Variants in LSAMP observed in about 807,000 individuals in gnomAD.
The protein encoded by LSAMP is limbic system associated membrane protein.
A neutral mutation model predicts 38.6 loss-of-function variants in LSAMP; 7 were observed. The observed-to-expected ratio is 0.18, with a 90% CI of 0.10 to 0.34. LSAMP has a LOEUF of 0.34. LSAMP is among the 10% of genes least tolerant of loss of function. LSAMP has a pLI of 1.00. For synonymous variants in LSAMP, 154 were observed against 166.8 expected (o/e 0.92, Z 0.59); for missense variants, 313 against 420.0 (o/e 0.75, Z 2.23).
intron 1 of LSAMP, among the ~76,000 whole-genome samples, chr3:116,140,893 G>A (rs1470584137): frequency 6.6e-6 from 1 of 151,930 alleles, no homozygotes; most frequent in Non-Finnish European, 1.5e-5. Context: ...AAGAAGAATA[G>A]GAAGAAAAGA....
chr3:116,132,387 A>G (rs1454935711), intron 1 of LSAMP, among the ~76,000 whole-genome samples: 1 of 152,082 alleles, frequency 6.6e-6, no homozygotes, highest in Admixed American at 6.6e-5. Context: ...AGCAATGAGG[A>G]TTGGGATAAA....
At chr3:115,881,275 ACT>A (rs1251092083) in intron 3 of LSAMP, among the ~76,000 whole-genome samples, 1 of 152,068 alleles carries the variant, frequency 6.6e-6, no homozygotes, top group Non-Finnish European at 1.5e-5. Context: ...CAGCCTGGAC[ACT>A]CTTGAAAACC....
intron 1 of LSAMP, among the ~76,000 whole-genome samples, chr3:116,192,022 G>A (rs1404696234): frequency 6.6e-6 from 1 of 151,224 alleles, no homozygotes. Flanking sequence ...ATTACTGAGG[G>A]AAAAAAAAGA....
intron 3 of LSAMP, among the ~76,000 whole-genome samples, chr3:115,945,159 C>T (rs1003452100): frequency 2.0e-5 from 3 of 152,020 alleles, no homozygotes; most frequent in Admixed American, 6.6e-5. Flanking sequence ...TTTCGAATTA[C>T]GGCTCACATA....
chr3:116,301,820 A>G (rs1576493612), intron 1 of LSAMP, among the ~76,000 whole-genome samples: 1 of 152,214 alleles, frequency 6.6e-6, no homozygotes, highest in Admixed American at 6.5e-5. Context: ...AGCAAGCAAG[A>G]TATTTTCTTG....
At chr3:115,816,649 AAAAT>A (rs1934031964) in intron 6 of LSAMP, 1 of 1,284,850 alleles carries the variant, frequency 7.8e-7, no homozygotes, top group Non-Finnish European at 1.0e-6. Flanking sequence ...ACCAATTTCT[AAAAT>A]AAGAAACATT....
chr3:115,842,319 A>C, intron 5 of LSAMP, 139 bp downstream of exon 5: 2 of 1,195,214 alleles, frequency 1.7e-6, no homozygotes, highest in Non-Finnish European at 2.3e-6. Flanking sequence ...AGAATTTGAT[A>C]AGAGATACTA....
At chr3:116,093,768 T>A (rs1708171142) in intron 1 of LSAMP, among the ~76,000 whole-genome samples, 1 of 152,212 alleles carries the variant, frequency 6.6e-6, no homozygotes, top group Non-Finnish European at 1.5e-5. Context: ...CCCTCTTTTG[T>A]AAGATATGGA....
rs1014369805 is a variant in LSAMP, at chr3:115,803,574, C to T, written c.*6743G>A. 6.6e-6 allele frequency: 1 copy of T among 152,224 alleles called. No homozygotes were observed. The highest frequency in any genetic ancestry group is 2.1e-4 in the South Asian group (1 of 4,828). The allele number at this position is 152,224 out of a possible 1,614,324, so 9.4% of individuals were successfully genotyped here. A position where few individuals can be genotyped will look rare whatever the true frequency, so the allele number is the denominator to read the frequency against. On this transcript the variant is annotated 3_prime_UTR_variant, in exon 7 of 7. Transcript: ENST00000490035. ...ATTTTGGCCTTCACAACAATTCATACTGTCTTCAACTCTGTAACCTCCTAA... is the reference window on the plus strand; with the variant it reads ...ATTTTGGCCTTCACAACAATTCATATTGTCTTCAACTCTGTAACCTCCTAA...
rs533154488 is a variant in LSAMP at position 116,384,947 on chromosome 3, C to A, written c.155+59930G>T. Among the ~76,000 whole-genome samples the A allele has an allele frequency of 3.6e-3, 431 of 120,682 alleles. 5 individuals carry two copies. Among genetic ancestry groups the A allele is most frequent in the African/African-American group, 0.016 (405 of 24,876 alleles). 79.2% of individuals were successfully genotyped at this position (120,682 alleles called of 152,430 possible). A position where few individuals can be genotyped will look rare whatever the true frequency, so the allele number is the denominator to read the frequency against. On this transcript the variant is annotated intron_variant, in intron 1 of 6. Coordinates refer to ENST00000490035, the MANE Select transcript of LSAMP (RefSeq NM_002338.5). ...TGTCAAAACAACACCGACTAGAATA[C>A]GTGAAATGAATTATTGAGGTGCTGG...
At chr3:115,990,101 T>C (rs1316605273) in intron 3 of LSAMP, among the ~76,000 whole-genome samples, 1 of 152,100 alleles carries the variant, frequency 6.6e-6, no homozygotes, top group Non-Finnish European at 1.5e-5. Context: ...AATCTAGTTC[T>C]TAACCAGCCT....
At chr3:115,974,114 G>T (rs1046257660) in intron 3 of LSAMP, among the ~76,000 whole-genome samples, 3 of 152,072 alleles carry the variant, frequency 2.0e-5, no homozygotes, top group Non-Finnish European at 4.4e-5. Context: ...GAAGGCTGAG[G>T]CTGGCAGATT....
chr3:115,840,431 T>G (rs906305056), intron 6 of LSAMP, among the ~76,000 whole-genome samples: 52 of 152,186 alleles, frequency 3.4e-4, no homozygotes, highest in African/African-American at 1.1e-3. Context: ...AGAAGTATAT[T>G]CTCAAGCGTC....
At chr3:116,253,503 C>G (rs2046711692) in intron 1 of LSAMP, among the ~76,000 whole-genome samples, 1 of 152,128 alleles carries the variant, frequency 6.6e-6, no homozygotes, top group African/African-American at 2.4e-5. Context: ...GATGGTAATT[C>G]ACAGCAACCC....
chr3:115,975,132 G>C (rs899332780), intron 3 of LSAMP, among the ~76,000 whole-genome samples: 2 of 152,074 alleles, frequency 1.3e-5, no homozygotes, highest in African/African-American at 4.8e-5. Flanking sequence ...GCAAACATGA[G>C]AGACTGGCTG....
intron 3 of LSAMP, among the ~76,000 whole-genome samples, chr3:115,897,916 T>C (rs1274557537): frequency 6.6e-6 from 1 of 152,250 alleles, no homozygotes; most frequent in East Asian, 1.9e-4. Flanking sequence ...GAAGCCATGT[T>C]GGCAGGCAAA....
chr3:115,832,489 A>G (rs1934646705), intron 6 of LSAMP, among the ~76,000 whole-genome samples: 3 of 152,312 alleles, frequency 2.0e-5, no homozygotes, highest in South Asian at 2.1e-4. Flanking sequence ...ATATTTGGGT[A>G]CTTAACTGGC....
chr3:116,171,722 G>A (rs1423998968), intron 1 of LSAMP, among the ~76,000 whole-genome samples: 1 of 152,072 alleles, frequency 6.6e-6, no homozygotes, highest in Non-Finnish European at 1.5e-5. Flanking sequence ...CATCATCCAT[G>A]GGACCCTAGT....
chr3:116,031,078 T>G (rs1293317155), intron 2 of LSAMP, among the ~76,000 whole-genome samples: 2 of 152,170 alleles, frequency 1.3e-5, no homozygotes, highest in Non-Finnish European at 2.9e-5. Context: ...AATGAATTAT[T>G]TAGCTATTAA....
Sources: allele counts gnomAD v4.1 joint callset (sites outside exome capture counted in the v4.1 genomes callset), GRCh38; gene constraint gnomAD v4.1.1; transcripts MANE v1.5; gene names NCBI Gene and HGNC (gene_info 2026-07-23, HGNC 2026-07-21).